MYO18B: variants seen among roughly 807,000 people sequenced by gnomAD.
MYO18B encodes unconventional myosin-XVIIIb.
MYO18B carries 204 observed loss-of-function variants against 273.0 expected under a neutral mutation model. The observed-to-expected ratio is 0.75, with a 90% CI of 0.67 to 0.84. The LOEUF (loss-of-function observed/expected upper bound fraction) is 0.84. Among genes scored for constraint, MYO18B ranks in the 40% least tolerant of loss-of-function variants. The probability of loss-of-function intolerance (pLI) is 0.00; values close to 1 mark genes in which losing one functional copy is unlikely to be tolerated. For synonymous variants in MYO18B, 1,330 were observed against 1,305.7 expected (o/e 1.02, Z -0.40); for missense variants, 3,212 against 3,287.6 (o/e 0.98, Z 0.56).
chr22:25,887,173 C>T (rs2091525083), intron 25 of MYO18B, among the ~76,000 whole-genome samples: 1 of 152,154 alleles, frequency 6.6e-6, no homozygotes, highest in African/African-American at 2.4e-5. Flanking sequence ...GTGTGTGCCC[C>T]TGTGGTTTGT....
At chr22:25,779,802 G>A (rs2087059649) in intron 8 of MYO18B, among the ~76,000 whole-genome samples, 1 of 152,138 alleles carries the variant, frequency 6.6e-6, no homozygotes, top group Non-Finnish European at 1.5e-5. Flanking sequence ...CTTCTAGATT[G>A]AGTCTTGTTT....
intron 16 of MYO18B, 110 bp from the exon 17 acceptor site, chr22:25,835,186 C>T: frequency 1.5e-6 from 2 of 1,364,006 alleles, no homozygotes; most frequent in Non-Finnish European, 2.0e-6. Flanking sequence ...GTTCTGAGTC[C>T]TGACACTTGG....
intron 25 of MYO18B, among the ~76,000 whole-genome samples, chr22:25,890,430 C>T (rs556120124): frequency 3.3e-5 from 5 of 152,306 alleles, no homozygotes; most frequent in Admixed American, 2.0e-4. Flanking sequence ...GCACTTACTA[C>T]GTGCCAGGCA....
At chr22:25,906,248 T>C (rs2092040535) in intron 31 of MYO18B, among the ~76,000 whole-genome samples, 1 of 152,160 alleles carries the variant, frequency 6.6e-6, no homozygotes, top group East Asian at 1.9e-4. Flanking sequence ...ATAAATGGTA[T>C]TGCAGATGTC....
chr22:25,910,132 G>C (rs180907984), intron 32 of MYO18B, among the ~76,000 whole-genome samples: 1 of 152,252 alleles, frequency 6.6e-6, no homozygotes, highest in Admixed American at 6.5e-5. Flanking sequence ...TAAATGAGTC[G>C]CTCATAGTCA....
intron 34 of MYO18B, among the ~76,000 whole-genome samples, chr22:25,943,399 C>T (rs1183837748): frequency 6.6e-6 from 1 of 152,174 alleles, no homozygotes; most frequent in Non-Finnish European, 1.5e-5. Flanking sequence ...TCCCACCCTC[C>T]CCACAGCAGC....
chr22:25,774,230 T>A (rs143059490), intron 7 of MYO18B, among the ~76,000 whole-genome samples: 344 of 152,254 alleles, frequency 2.3e-3, no homozygotes, highest in African/African-American at 7.6e-3. Context: ...CTTCAGTCAC[T>A]CCCAGGGGCT....
Position 25,847,606 on chromosome 22 carries a change from G to A in MYO18B, c.3729G>A (p.Gln1243=). 6.4e-7 allele frequency: 1 copy of A among 1,564,562 alleles called. No homozygotes were observed. Among genetic ancestry groups the A allele is most frequent in the Non-Finnish European group, 8.7e-7 (1 of 1,154,752 alleles). The part of the protein sequence containing the change: ...LALDIPALRV[Q]LAGFHILEAL... The stretch of plus-strand genomic sequence containing the variant: ...TGGATATCCCAGCACTGAGGGTCCA[G>A]CTTGCTGGGTTCCACATCCTGGAGG... The change falls in exon 20 of 44, where the codon CAG becomes CAA. Residue 1243 remains glutamine, a synonymous_variant. Coordinates refer to ENST00000335473, the MANE Select transcript of MYO18B (RefSeq NM_032608.7).
At chr22:25,944,677 G>A (rs893124470) in intron 34 of MYO18B, among the ~76,000 whole-genome samples, 29 of 151,890 alleles carry the variant, frequency 1.9e-4, no homozygotes, top group Non-Finnish European at 3.8e-4. Flanking sequence ...ATGAAACCCC[G>A]TCTCTACTAA....
chr22:25,927,381 A>T (rs550121435), intron 34 of MYO18B, among the ~76,000 whole-genome samples: 1 of 152,144 alleles, frequency 6.6e-6, no homozygotes, highest in Non-Finnish European at 1.5e-5. Context: ...CCTGTCTCTT[A>T]TGGTCGAGAC....
intron 1 of MYO18B, among the ~76,000 whole-genome samples, chr22:25,746,993 A>G (rs133857): frequency 0.75 from 114,333 of 151,830 alleles, 43,713 homozygotes; most frequent in East Asian, 0.94. Context: ...GTGGTGATGG[A>G]CACCTGTAGT....
chr22:26,041,789 A>G, the MYO18B span, among the ~76,000 whole-genome samples: 7 of 152,192 alleles, frequency 4.6e-5, no homozygotes, highest in Non-Finnish European at 1.0e-4. Context: ...TTCTGAATAA[A>G]TTTAGAAGGC....
chr22:25,952,572 C>G (rs1408158992), intron 38 of MYO18B, 149 bp downstream of exon 38: 1 of 1,067,916 alleles, frequency 9.4e-7, no homozygotes, highest in Non-Finnish European at 1.3e-6. Flanking sequence ...AGCTCCCTCC[C>G]TCCTTCCATC....
intron 34 of MYO18B, among the ~76,000 whole-genome samples, chr22:25,941,850 C>G (rs552402165): frequency 6.6e-6 from 1 of 152,168 alleles, no homozygotes; most frequent in African/African-American, 2.4e-5. Flanking sequence ...TCTACCCATC[C>G]CAGTGGAACA....
At chr22:25,777,471 T>C (rs189522614) in intron 7 of MYO18B, 112 bp from the exon 8 acceptor site, 3 of 1,045,154 alleles carry the variant, frequency 2.9e-6, no homozygotes, top group African/African-American at 3.3e-5. Flanking sequence ...TGGAGGCAGA[T>C]CTGGAGGCAG....
chr22:25,999,100 A>G (rs9613075), intron 40 of MYO18B, among the ~76,000 whole-genome samples: 19,203 of 152,206 alleles, frequency 0.13, 1,302 homozygotes, highest in African/African-American at 0.15. Flanking sequence ...TGAGGCTCCT[A>G]CCATTATTCT....
At chr22:26,025,132 G>A (rs889151388) in intron 42 of MYO18B, among the ~76,000 whole-genome samples, 1 of 152,058 alleles carries the variant, frequency 6.6e-6, no homozygotes, top group Non-Finnish European at 1.5e-5. Flanking sequence ...ATTAATTTTC[G>A]GGGGAGACAA....
In MYO18B at chr22:25,768,167, G is replaced by T. The variant is rs773993496; in HGVS notation, c.251G>T (p.Arg84Ile). The T allele has an allele frequency of 3.1e-6, 5 of 1,612,804 alleles. No individual in the cohort carries two copies. The highest frequency in any genetic ancestry group is 4.2e-6 in the Non-Finnish European group (5 of 1,179,362). ...QPNSKSSSGT[R>I]SGSQQISQDD... ...AACAGCAAGTCCAGCAGTGGCACCA[G>T]ATCTGGAAGCCAGCAGATCTCTCAG... is the stretch of plus-strand genomic sequence containing the variant. The change falls in exon 4 of 44, where the codon AGA becomes ATA. Residue 84 changes from arginine (R) to isoleucine (I), a missense_variant. Coordinates refer to ENST00000335473, the MANE Select transcript of MYO18B (RefSeq NM_032608.7).
At chr22:26,042,845 T>C in the MYO18B span, among the ~76,000 whole-genome samples, 1 of 152,256 alleles carries the variant, frequency 6.6e-6, no homozygotes. Flanking sequence ...CCTGCCTTCA[T>C]GGCACCGGAC....
Sources: allele counts gnomAD v4.1 joint callset (sites outside exome capture counted in the v4.1 genomes callset), GRCh38; gene constraint gnomAD v4.1.1; transcripts MANE v1.5; gene names NCBI Gene and HGNC (gene_info 2026-07-23, HGNC 2026-07-21).